RAD51B: variants seen among roughly 807,000 people sequenced by gnomAD.
The protein encoded by RAD51B is DNA repair protein RAD51 homolog 2.
In RAD51B, 38 loss-of-function variants were observed where a neutral mutation model predicts 42.2. That is an observed-to-expected ratio of 0.90 (90% CI 0.70 to 1.18). The LOEUF is 1.18. Ranked by LOEUF, RAD51B falls within the 50% of genes most tolerant of loss-of-function variation. The pLI is 0.00. For synonymous variants in RAD51B, 154 were observed against 145.2 expected (o/e 1.06, Z -0.43); for missense variants, 373 against 400.7 (o/e 0.93, Z 0.59).
At chr14:68,680,246 T>C (rs555000402) in intron 11 of RAD51B, among the ~76,000 whole-genome samples, 6 of 152,238 alleles carry the variant, frequency 3.9e-5, no homozygotes, top group Non-Finnish European at 8.8e-5. Flanking sequence ...TGCCAATTTC[T>C]GTGGTGTAAA....
intron 10 of RAD51B, among the ~76,000 whole-genome samples, chr14:68,587,908 G>T (rs533210316): frequency 6.6e-6 from 1 of 152,340 alleles, no homozygotes; most frequent in African/African-American, 2.4e-5. Context: ...TGGCAGACAT[G>T]GTGCATTTAA....
chr14:68,164,941 G>A (rs928007272), intron 7 of RAD51B, among the ~76,000 whole-genome samples: 5 of 152,110 alleles, frequency 3.3e-5, no homozygotes, highest in African/African-American at 7.2e-5. Context: ...ATTAATAAAA[G>A]CACAACACTC....
chr14:67,823,851 G>A (rs1171118471), intron 2 of RAD51B, among the ~76,000 whole-genome samples: 1 of 152,154 alleles, frequency 6.6e-6, no homozygotes, highest in Non-Finnish European at 1.5e-5. Flanking sequence ...GGGGAAAGTG[G>A]TCACGGCATA....
intron 10 of RAD51B, among the ~76,000 whole-genome samples, chr14:68,578,606 C>T (rs995335551): frequency 3.3e-5 from 5 of 152,128 alleles, no homozygotes; most frequent in African/African-American, 4.8e-5. Flanking sequence ...CTTTGGATAG[C>T]CTCTCTCCTT....
intron 10 of RAD51B, among the ~76,000 whole-genome samples, chr14:68,564,593 C>T (rs1006616744): frequency 3.9e-5 from 6 of 152,302 alleles, no homozygotes; most frequent in South Asian, 2.1e-4. Flanking sequence ...CAGCTTCCCA[C>T]GACCAGCACC....
chr14:68,172,544 T>A (rs2078893534), intron 7 of RAD51B, among the ~76,000 whole-genome samples: 1 of 152,178 alleles, frequency 6.6e-6, no homozygotes, highest in South Asian at 2.1e-4. Context: ...CATAAGCTTG[T>A]GGGAGCTCAT....
At chr14:68,581,444 G>C (rs182728689) in intron 10 of RAD51B, among the ~76,000 whole-genome samples, 51 of 152,242 alleles carry the variant, frequency 3.3e-4, no homozygotes, top group African/African-American at 1.2e-3. Flanking sequence ...ATTTTCACTG[G>C]TATTTCCAGC....
At position 68,429,134 on chromosome 14, in the gene RAD51B, T is replaced by G. The variant is rs186384906; in HGVS notation, c.957+17607T>G. Among the ~76,000 whole-genome samples the G allele has an allele frequency of 7.0e-3, 1,059 of 152,286 alleles. 7 individuals are homozygous for G. The highest frequency in any genetic ancestry group is 0.01 in the Non-Finnish European group (705 of 68,022). The stretch of plus-strand genomic sequence containing the variant: ...ATTCCACGGTGTATATGTGCCACAT[T>G]TTCTTAATCCAGTCTATCATTGATG... On this transcript the variant is annotated intron_variant, in intron 9 of 10. Coordinates refer to ENST00000471583, the MANE Select transcript of RAD51B (RefSeq NM_133510.4).
At chr14:68,474,091 T>TACCA (rs1185304741) in intron 10 of RAD51B, among the ~76,000 whole-genome samples, 3 of 152,230 alleles carry the variant, frequency 2.0e-5, no homozygotes, top group Admixed American at 1.3e-4. Flanking sequence ...TGTGTGAATG[T>TACCA]ACCACATGCT....
chr14:68,348,788 G>A (rs8017831), intron 8 of RAD51B, among the ~76,000 whole-genome samples: 126,682 of 151,936 alleles, frequency 0.83, 53,052 homozygotes, highest in East Asian at 0.99. Context: ...AGTCCCAGCT[G>A]CTCAGGAGGC....
At chr14:67,981,025 A>G (rs944095992) in intron 7 of RAD51B, among the ~76,000 whole-genome samples, 1 of 152,210 alleles carries the variant, frequency 6.6e-6, no homozygotes, top group Non-Finnish European at 1.5e-5. Context: ...TCAAAATTCA[A>G]TAAAAAATCA....
chr14:67,875,458 A>G (rs1451884528), intron 5 of RAD51B, among the ~76,000 whole-genome samples: 2 of 152,202 alleles, frequency 1.3e-5, no homozygotes, highest in African/African-American at 4.8e-5. Flanking sequence ...GATGGATTGC[A>G]TATAAGATGG....
chr14:68,418,815 A>G (rs2140101084), intron 9 of RAD51B, among the ~76,000 whole-genome samples: 1 of 152,378 alleles, frequency 6.6e-6, no homozygotes, highest in Admixed American at 6.5e-5. Flanking sequence ...AGTGAGAAGA[A>G]AATGGGCAAC....
intron 7 of RAD51B, among the ~76,000 whole-genome samples, chr14:68,251,601 A>G (rs964601968): frequency 1.3e-5 from 2 of 152,208 alleles, no homozygotes. Context: ...TGCAGGTGTC[A>G]CATCTGTTCC....
intron 7 of RAD51B, among the ~76,000 whole-genome samples, chr14:68,036,109 C>T (rs2076117063): frequency 6.6e-6 from 1 of 152,206 alleles, no homozygotes; most frequent in Non-Finnish European, 1.5e-5. Flanking sequence ...ATCTCTCCTG[C>T]CTATGTCATT....
At chr14:68,643,279 C>T (rs562801367) in intron 10 of RAD51B, among the ~76,000 whole-genome samples, 53 of 152,332 alleles carry the variant, frequency 3.5e-4, no homozygotes, top group African/African-American at 1.2e-3. Context: ...TCCCTGATAA[C>T]TTTCCTTGGT....
At chr14:68,357,175 C>T (rs1203319807) in intron 8 of RAD51B, among the ~76,000 whole-genome samples, 1 of 152,122 alleles carries the variant, frequency 6.6e-6, no homozygotes, top group Non-Finnish European at 1.5e-5. Flanking sequence ...ATTCTAAATC[C>T]CTTGTTGTCA....
intron 9 of RAD51B, among the ~76,000 whole-genome samples, chr14:68,438,877 A>T (rs4902586): frequency 6.6e-6 from 1 of 151,928 alleles, no homozygotes; most frequent in African/African-American, 2.4e-5. Context: ...GAGTGGCATC[A>T]GTAGCTAATT....
chr14:68,357,392 CT>C (rs2082931372), intron 8 of RAD51B, among the ~76,000 whole-genome samples: 1 of 152,074 alleles, frequency 6.6e-6, no homozygotes, highest in Non-Finnish European at 1.5e-5. Flanking sequence ...TCTTGAACCC[CT>C]CAAAGTCATT....
Sources: gnomAD v4.1 joint callset for allele counts (sites outside exome capture counted in the v4.1 genomes callset) on GRCh38, gnomAD v4.1.1 for gene constraint, MANE v1.5 for transcripts, NCBI Gene and HGNC (gene_info 2026-07-23, HGNC 2026-07-21) for gene names.